Variants in SERTAD1 observed in about 807,000 individuals in gnomAD.
SERTAD1 encodes the protein SERTA domain containing 1.
A neutral mutation model predicts 11.7 loss-of-function variants in SERTAD1; 5 were observed. The observed-to-expected ratio is 0.43, with a 90% confidence interval of 0.22 to 0.90. The LOEUF (loss-of-function observed/expected upper bound fraction) is 0.90, where lower values mean the gene tolerates loss of function less well. SERTAD1 is among the 40% of genes least tolerant of loss of function. The probability of loss-of-function intolerance (pLI) is 0.27; values close to 1 mark genes in which losing one functional copy is unlikely to be tolerated. For missense variants in SERTAD1, 287 were observed against 313.9 expected (o/e 0.91, Z 0.65); for synonymous variants, 139 against 141.4 (o/e 0.98, Z 0.12).
In SERTAD1 at chr19:40,422,875, G is replaced by A. The variant is rs1360091312; in HGVS notation, c.672C>T (p.Gly224=). ...ELDYLMDVLV[G]TQALERPPGP... is the part of the protein sequence containing the mutation. ...CCGGCGGTCGCTCCAGTGCCTGTGTGCCCACCAGCACATCCATGAGGTAGT... is the reference window on the plus strand; with the variant it reads ...CCGGCGGTCGCTCCAGTGCCTGTGTACCCACCAGCACATCCATGAGGTAGT... Residue 224 remains glycine, a synonymous_variant, in exon 2 of 2, where the codon GGC becomes GGT. Coordinates refer to ENST00000357949, the MANE Select transcript of SERTAD1 (RefSeq NM_013376.4). 1 of 1,611,996 alleles carries A rather than the reference G, an allele frequency of 6.2e-7. No individual in the cohort carries two copies. The highest frequency in any genetic ancestry group is 2.2e-5 in the East Asian group (1 of 44,844).
chr19:40,424,953 G>T (rs1234339210), intron 1 of SERTAD1, among the ~76,000 whole-genome samples: 1 of 152,186 alleles, frequency 6.6e-6, no homozygotes. Flanking sequence ...GAGCTGATTA[G>T]GTTTCCGGAA....
intron 1 of SERTAD1, among the ~76,000 whole-genome samples, 187 bp downstream of exon 1, chr19:40,425,680 C>A (rs562002533): frequency 1.3e-5 from 2 of 152,212 alleles, no homozygotes; most frequent in South Asian, 2.1e-4. Context: ...AAGAAGCCGG[C>A]GCCTCCGCCC....
chr19:40,423,413 A>T lies in SERTAD1; in HGVS notation c.134T>A (p.Leu45His). Residue 45 changes from leucine (L) to histidine (H), a missense_variant, in exon 2 of 2, where the codon CTC (leucine) becomes CAC (histidine). Physicochemically the swap from Leu to His is moderately conservative, Grantham distance 99. Coordinates refer to ENST00000357949, the MANE Select transcript of SERTAD1 (RefSeq NM_013376.4). ...QAPPAVASSSLFDLSVLKLHH... is the reference protein window; with the variant it reads ...QAPPAVASSSHFDLSVLKLHH... The stretch of plus-strand genomic sequence containing the variant: ...GAGCTTGAGCACTGAGAGGTCAAAG[A>T]GGGAGCTAGAGGCCACGGCCGGGGG... 6.2e-7 allele frequency: 1 copy of T among 1,613,406 alleles called. No homozygotes were observed. The highest frequency in any genetic ancestry group is 8.5e-7 in the Non-Finnish European group (1 of 1,180,036).
chr19:40,423,440 G>T lies in SERTAD1; in HGVS notation c.107C>A (p.Ala36Glu), dbSNP rs749659665. ...GGAGCTAGAGGCCACGGCCGGGGGT[G>T]CCTGTGCCACCGCTGTGTGGCCAGG... ...LDPGHTAVAQ[A>E]PPAVASSSLF... The change falls in exon 2 of 2, where the codon GCA becomes GAA. Residue 36 changes from alanine (A) to glutamate (E), a missense_variant. Ala to Glu is a moderately radical substitution (Grantham distance 107). Coordinates refer to ENST00000357949, the MANE Select transcript of SERTAD1 (RefSeq NM_013376.4). The T allele has an allele frequency of 2.4e-5, 38 of 1,613,088 alleles. No homozygotes were observed. Among genetic ancestry groups the T allele is most frequent in the Admixed American group, 6.7e-5 (4 of 60,002 alleles).
chr19:40,422,832 G>A lies in SERTAD1; in HGVS notation c.*4C>T. 6.3e-7 allele frequency: 1 copy of A among 1,588,298 alleles called. No individual in the cohort carries two copies. Among genetic ancestry groups the A allele is most frequent in the Non-Finnish European group, 8.6e-7 (1 of 1,165,928 alleles). Reference sequence around the variant, plus strand: ...ATACCAGACAACCATTCCAGCACGAGGGCTCAGCGCCCTGGCCCCGGCGGT... The same window carrying A: ...ATACCAGACAACCATTCCAGCACGAAGGCTCAGCGCCCTGGCCCCGGCGGT... On this transcript the variant is annotated 3_prime_UTR_variant, in exon 2 of 2. Coordinates refer to ENST00000357949, the MANE Select transcript of SERTAD1 (RefSeq NM_013376.4).
chr19:40,425,730 G>A (rs1316471562), intron 1 of SERTAD1, 137 bp downstream of exon 1: 1 of 152,224 alleles, frequency 6.6e-6, no homozygotes, highest in Non-Finnish European at 1.5e-5. Flanking sequence ...GCCCGGCCGG[G>A]GCAGACAGCA....
chr19:40,425,567 G>A (rs1036826098), intron 1 of SERTAD1, among the ~76,000 whole-genome samples: 1 of 152,202 alleles, frequency 6.6e-6, no homozygotes, highest in Non-Finnish European at 1.5e-5. Context: ...CGGGACCCCT[G>A]GCGGGCTGTT....
chr19:40,425,052 A>T (rs1014003053), intron 1 of SERTAD1, among the ~76,000 whole-genome samples: 1 of 152,064 alleles, frequency 6.6e-6, no homozygotes, highest in African/African-American at 2.4e-5. Flanking sequence ...CTCGTTTGGG[A>T]CGGACGATGG....
In SERTAD1 at chr19:40,422,954, G is replaced by A. The variant is rs1385163518; in HGVS notation, c.593C>T (p.Pro198Leu). 5.6e-6 allele frequency: 9 copies of A among 1,607,352 alleles called. No individual in the cohort carries two copies. Among genetic ancestry groups the A allele is most frequent in the Non-Finnish European group, 7.6e-6 (9 of 1,176,744 alleles). ...APASEGLKPGPEDGPGKEEAP... is the reference protein window; with the variant it reads ...APASEGLKPGLEDGPGKEEAP... The stretch of plus-strand genomic sequence containing the variant: ...TTCCTCCTTGCCCGGCCCATCCTCA[G>A]GGCCTGGTTTGAGGCCCTCAGAGGC... The change falls in exon 2 of 2, where the codon CCT becomes CTT. Residue 198 changes from proline to leucine, a missense_variant. Pro to Leu is a moderately conservative substitution (Grantham distance 98). Transcript: ENST00000357949.
At position 40,422,070 on chromosome 19, in the gene SERTAD1, G is replaced by C. The variant is rs1366658862; in HGVS notation, c.*766C>G. 6.6e-6 allele frequency: 1 copy of C among 151,278 alleles called. No homozygotes were observed. The highest frequency in any genetic ancestry group is 1.5e-5 in the Non-Finnish European group (1 of 67,928). 9.4% of individuals were successfully genotyped at this position (151,278 alleles called of 1,614,324 possible). A position where few individuals can be genotyped will look rare whatever the true frequency, so the allele number is the denominator to read the frequency against. On this transcript the variant is annotated 3_prime_UTR_variant, in exon 2 of 2. Coordinates refer to ENST00000357949, the MANE Select transcript of SERTAD1 (RefSeq NM_013376.4). ...GAACCTGGGAGGTGGAGGTTGCAGTGAGCCGAAGTCACGCCACTGCACTCC... is the reference window on the plus strand; with the variant it reads ...GAACCTGGGAGGTGGAGGTTGCAGTCAGCCGAAGTCACGCCACTGCACTCC...
At chr19:40,424,788 T>A (rs955779673) in intron 1 of SERTAD1, among the ~76,000 whole-genome samples, 3 of 151,094 alleles carry the variant, frequency 2.0e-5, no homozygotes, top group African/African-American at 7.3e-5. Flanking sequence ...ACACAGAGAG[T>A]GACATGGTAG....
chr19:40,422,900 T>C lies in SERTAD1; in HGVS notation c.647A>G (p.Asp216Gly). 4 of 1,613,454 alleles carry C rather than the reference T, an allele frequency of 2.5e-6. No individual in the cohort carries two copies. In the African/African-American group the frequency reaches 5.3e-5, roughly 21 times the overall value. The change falls in exon 2 of 2, where the codon GAC (aspartate) becomes GGC (glycine). Residue 216 changes from aspartate to glycine, a missense_variant. Transcript: ENST00000357949. ...GCCCACCAGCACATCCATGAGGTAG[T>C]CCAATTCGGCCTCGTCCAGCTCCGG... ...EAPELDEAEL[D>G]YLMDVLVGTQ... is the part of the protein sequence containing the mutation.
At chr19:40,424,553 T>C (rs572801613) in intron 1 of SERTAD1, among the ~76,000 whole-genome samples, 6 of 152,172 alleles carry the variant, frequency 3.9e-5, no homozygotes, top group Non-Finnish European at 8.8e-5. Context: ...ACACAGGAAA[T>C]GTACAGAGAA....
chr19:40,423,659 C>T (rs1173945745), intron 1 of SERTAD1, 113 bp from the exon 2 acceptor site: 12 of 636,754 alleles, frequency 1.9e-5, no homozygotes, highest in Admixed American at 3.1e-5. Flanking sequence ...GTCACTTAAC[C>T]TCTCTGTGCC....
rs2079599458 is a variant in SERTAD1 at position 40,421,915 on chromosome 19, G to C, written c.*921C>G. ...TGTAATCCCAGCACTTTGGGAGGCT[G>C]AGGCAGGCAGATCACGAGGTCAGAA... On this transcript the variant is annotated 3_prime_UTR_variant, in exon 2 of 2. Coordinates refer to ENST00000357949, the MANE Select transcript of SERTAD1 (RefSeq NM_013376.4). 6.6e-6 allele frequency: 1 copy of C among 151,868 alleles called. No homozygotes were observed. Among genetic ancestry groups the C allele is most frequent in the Non-Finnish European group, 1.5e-5 (1 of 67,996 alleles). The allele number at this position is 151,868 out of a possible 1,614,324, so 9.4% of individuals were successfully genotyped here.
chr19:40,425,711 A>C (rs974954959), intron 1 of SERTAD1, among the ~76,000 whole-genome samples, 156 bp downstream of exon 1: 1 of 151,896 alleles, frequency 6.6e-6, no homozygotes, highest in South Asian at 2.1e-4. Flanking sequence ...CTGCGGCGTG[A>C]TTCACCCGGC....
chr19:40,425,483 T>C (rs915332756), intron 1 of SERTAD1, among the ~76,000 whole-genome samples: 6 of 151,812 alleles, frequency 4.0e-5, no homozygotes, highest in African/African-American at 7.3e-5. Flanking sequence ...TTCTGGCCCC[T>C]CTGACCCCAG....
rs1179979258 is a variant in SERTAD1, at chr19:40,422,463, C to T, written c.*373G>A. ...AATAAAATGTTTGATGTTTTTATCT[C>T]GCCTTCACATTTGCCCAGAGACAAA... is the stretch of plus-strand genomic sequence containing the variant. On this transcript the variant is annotated 3_prime_UTR_variant, in exon 2 of 2. Coordinates refer to ENST00000357949, the MANE Select transcript of SERTAD1 (RefSeq NM_013376.4). 1.3e-5 allele frequency: 3 copies of T among 236,518 alleles called. No individual in the cohort carries two copies. The highest frequency in any genetic ancestry group is 2.3e-5 in the African/African-American group (1 of 44,232). The allele number at this position is 236,518 out of a possible 1,614,324, so 14.7% of individuals were successfully genotyped here. A position where few individuals can be genotyped will look rare whatever the true frequency, so the allele number is the denominator to read the frequency against.
chr19:40,423,670 T>C, intron 1 of SERTAD1, 124 bp from the exon 2 acceptor site: 1 of 600,716 alleles, frequency 1.7e-6, no homozygotes. Flanking sequence ...TCTCTGTGCC[T>C]AGCTTTTCTT....
Sources: allele counts gnomAD v4.1 joint callset (sites outside exome capture counted in the v4.1 genomes callset), GRCh38; gene constraint gnomAD v4.1.1; transcripts MANE v1.5; gene names NCBI Gene and HGNC (gene_info 2026-07-23, HGNC 2026-07-21).